Variants in SLC30A5 observed in about 807,000 individuals in gnomAD.
SLC30A5 encodes the protein proton-coupled zinc antiporter SLC30A5.
Under a neutral mutation model 79.6 loss-of-function variants are expected in SLC30A5, and 33 were observed. The ratio of observed to expected loss-of-function variants is 0.41; its 90% CI spans 0.31 to 0.55. The LOEUF (loss-of-function observed/expected upper bound fraction) is 0.55. SLC30A5 is among the 20% of genes least tolerant of loss of function. The pLI, the probability that SLC30A5 is intolerant of heterozygous loss-of-function variation, is 0.20. For synonymous variants in SLC30A5, 299 were observed against 319.7 expected, an observed-to-expected ratio of 0.94 and a Z score of 0.69; for missense variants, 788 against 928.1, an observed-to-expected ratio of 0.85 and a Z score of 1.96.
intron 13 of SLC30A5, among the ~76,000 whole-genome samples, chr5:69,122,452 G>A (rs986357877): frequency 2.6e-5 from 4 of 152,036 alleles, no homozygotes; most frequent in African/African-American, 4.8e-5. Flanking sequence ...TCAGGAGTTC[G>A]AGACCAGTCT....
rs1453116960 is a variant in SLC30A5, at chr5:69,114,447, C to T, written c.563C>T (p.Thr188Ile). The T allele has an allele frequency of 2.5e-6, 4 of 1,611,022 alleles. No individual in the cohort carries two copies. The highest frequency in any genetic ancestry group is 3.4e-6 in the Non-Finnish European group (4 of 1,177,652). Residue 188 changes from threonine to isoleucine, a missense_variant, in exon 7 of 16, where the codon ACT (threonine) becomes ATT (isoleucine). Transcript: ENST00000396591. Reference protein sequence around the residue: ...HPEGHHDSALTHMLYTAIAFL... With the variant: ...HPEGHHDSALIHMLYTAIAFL... ...GAAGGACATCATGACAGTGCTCTAA[C>T]TCATATGCTTTACACAGCCATTGCC...
At chr5:69,099,549 T>G (rs1488387518) in intron 1 of SLC30A5, among the ~76,000 whole-genome samples, 2 of 152,108 alleles carry the variant, frequency 1.3e-5, no homozygotes, top group Admixed American at 1.3e-4. Flanking sequence ...GGGGATCTGA[T>G]TACTTGGAAG....
At chr5:69,110,186 G>A (rs1746195091) in intron 5 of SLC30A5, among the ~76,000 whole-genome samples, 1 of 152,070 alleles carries the variant, frequency 6.6e-6, no homozygotes, top group Non-Finnish European at 1.5e-5. Flanking sequence ...GCTGCCTTCA[G>A]CCAAAATATC....
At chr5:69,110,376 A>C (rs1245689772) in intron 5 of SLC30A5, among the ~76,000 whole-genome samples, 2 of 152,214 alleles carry the variant, frequency 1.3e-5, no homozygotes, top group Admixed American at 6.5e-5. Flanking sequence ...AGGGACTTTC[A>C]AGCAAAGTAA....
chr5:69,102,304 T>C (rs973057242), intron 2 of SLC30A5, among the ~76,000 whole-genome samples: 1 of 151,688 alleles, frequency 6.6e-6, no homozygotes, highest in Non-Finnish European at 1.5e-5. Context: ...TCCGCCCACC[T>C]CGGCCACCCA....
rs567818264 is a variant in SLC30A5 at position 69,115,349 on chromosome 5, A to T, written c.725A>T (p.His242Leu). 50 of 1,613,502 alleles carry T rather than the reference A, an allele frequency of 3.1e-5. No homozygotes were observed. In the East Asian group the frequency reaches 1.0e-3, roughly 32 times the overall value. The change falls in exon 8 of 16, where the codon CAT becomes CTT. Residue 242 changes from histidine (H) to leucine (L), a missense_variant. His to Leu is a moderately conservative substitution (Grantham distance 99). Coordinates refer to ENST00000396591, the MANE Select transcript of SLC30A5 (RefSeq NM_022902.5). ...GGAKRLQALS[H>L]LVSVLLLCPW... is the part of the protein sequence containing the mutation. Reference sequence around the variant, plus strand: ...GCTAAACGTCTTCAAGCTTTATCTCATCTTGTTTCTGTGCTTCTCTTGTGC... The same window carrying T: ...GCTAAACGTCTTCAAGCTTTATCTCTTCTTGTTTCTGTGCTTCTCTTGTGC...
At chr5:69,095,325 C>T (rs929219828) in intron 1 of SLC30A5, among the ~76,000 whole-genome samples, 2 of 151,716 alleles carry the variant, frequency 1.3e-5, no homozygotes, top group Admixed American at 6.6e-5. Context: ...CTCAGCCTCC[C>T]GAGGAGCTGG....
At chr5:69,108,460 C>T in intron 5 of SLC30A5, 24 bp downstream of exon 5, 2 of 1,486,640 alleles carry the variant, frequency 1.3e-6, no homozygotes, top group Non-Finnish European at 1.9e-6. Flanking sequence ...TTATCAGTTA[C>T]TTGGAAATGG....
chr5:69,098,268 C>G (rs1745804274), intron 1 of SLC30A5, among the ~76,000 whole-genome samples: 1 of 151,920 alleles, frequency 6.6e-6, no homozygotes, highest in Admixed American at 6.6e-5. Flanking sequence ...GCCTGTAATC[C>G]TAGCACTTTG....
chr5:69,104,608 A>C lies in SLC30A5; in HGVS notation c.274-23A>C, dbSNP rs1746030853. The C allele has an allele frequency of 3.3e-6, 5 of 1,502,850 alleles. No homozygotes were observed. The African/African-American group carries it at 5.8e-5, about 17-fold the overall frequency. The allele number at this position is 1,502,850 out of a possible 1,614,324, so 93.1% of individuals were successfully genotyped here. ...CAAAATATATGTGACTGAAATTTTT[A>C]ATTTTTTTGTTTCCATTTATAGTGG... On this transcript the variant is annotated intron_variant, in intron 3 of 15. Coordinates refer to ENST00000396591, the MANE Select transcript of SLC30A5 (RefSeq NM_022902.5).
At chr5:69,112,368 C>G (rs164395) in intron 5 of SLC30A5, among the ~76,000 whole-genome samples, 2 of 152,026 alleles carry the variant, frequency 1.3e-5, no homozygotes, top group Admixed American at 1.3e-4. Flanking sequence ...TTACATAAAC[C>G]GAGCTAATAT....
intron 4 of SLC30A5, among the ~76,000 whole-genome samples, chr5:69,106,761 C>A (rs1746092060): frequency 6.6e-6 from 1 of 152,158 alleles, no homozygotes; most frequent in African/African-American, 2.4e-5. Context: ...ATACTTTACT[C>A]TTTTGTAAAA....
rs185876504 is a variant in SLC30A5, at chr5:69,122,311, C to T, written c.1771+416C>T. On this transcript the variant is annotated intron_variant, in intron 13 of 15. Coordinates refer to ENST00000396591, the MANE Select transcript of SLC30A5 (RefSeq NM_022902.5). Reference sequence around the variant, plus strand: ...ACTCAGGAGGCCGAGGCAGAAGAATCGCTTACAGGTGTGAGCCACCATGCC... The same window carrying T: ...ACTCAGGAGGCCGAGGCAGAAGAATTGCTTACAGGTGTGAGCCACCATGCC... Among the ~76,000 whole-genome samples the T allele has an allele frequency of 2.4e-3, 371 of 152,220 alleles. 7 individuals carry two copies. Among genetic ancestry groups the T allele is most frequent in the African/African-American group, 8.6e-3 (357 of 41,540 alleles).
chr5:69,126,718 C>T (rs990851720), intron 14 of SLC30A5, among the ~76,000 whole-genome samples: 3 of 150,534 alleles, frequency 2.0e-5, no homozygotes, highest in African/African-American at 2.4e-5. Flanking sequence ...TGCAGTGAGC[C>T]GAGATCACAC....
At chr5:69,103,722 G>A (rs1745998506) in intron 3 of SLC30A5, among the ~76,000 whole-genome samples, 1 of 152,100 alleles carries the variant, frequency 6.6e-6, no homozygotes, top group Non-Finnish European at 1.5e-5. Flanking sequence ...GTTCTCTTTA[G>A]GCAGCTGTGA....
chr5:69,111,268 A>G (rs965589287), intron 5 of SLC30A5, among the ~76,000 whole-genome samples: 1 of 150,574 alleles, frequency 6.6e-6, no homozygotes, highest in Non-Finnish European at 1.5e-5. Context: ...CTGAGATTAC[A>G]GGTGTGAACC....
At chr5:69,104,826 C>T (rs1746040567) in intron 4 of SLC30A5, 110 bp downstream of exon 4, 3 of 1,096,542 alleles carry the variant, frequency 2.7e-6, no homozygotes, top group Non-Finnish European at 3.9e-6. Flanking sequence ...ATGTGTCTAG[C>T]ACTTTTATAG....
intron 14 of SLC30A5, among the ~76,000 whole-genome samples, chr5:69,125,897 T>A (rs1242066210): frequency 4.9e-4 from 42 of 84,944 alleles, no homozygotes; most frequent in African/African-American, 1.1e-3. Context: ...AAAAAAAAAA[T>A]TAGCTGGGTG....
chr5:69,126,167 AT>A (rs534636130), intron 14 of SLC30A5, among the ~76,000 whole-genome samples: 202 of 152,348 alleles, frequency 1.3e-3, no homozygotes, highest in Middle Eastern at 6.8e-3. Flanking sequence ...TATTAAAGTA[AT>A]TGGGATCTGC....
Sources: allele counts gnomAD v4.1 joint callset (sites outside exome capture counted in the v4.1 genomes callset), GRCh38; gene constraint gnomAD v4.1.1; transcripts MANE v1.5; gene names NCBI Gene and HGNC (gene_info 2026-07-23, HGNC 2026-07-21).